CPNE5: variants seen among roughly 807,000 people sequenced by gnomAD.
The protein encoded by CPNE5 is copine-5.
Under a neutral mutation model 81.1 loss-of-function variants are expected in CPNE5, and 42 were observed. The observed-to-expected ratio is 0.52, with a 90% confidence interval of 0.40 to 0.67. CPNE5 has a LOEUF of 0.67. Among genes scored for constraint, CPNE5 ranks in the 30% least tolerant of loss-of-function variants. The pLI is 0.00. For synonymous variants in CPNE5, 313 were observed against 321.5 expected, an observed-to-expected ratio of 0.97 and a Z score of 0.28; for missense variants, 612 against 815.5, an observed-to-expected ratio of 0.75 and a Z score of 3.04.
intron 3 of CPNE5, among the ~76,000 whole-genome samples, chr6:36,802,217 CAAAAAAAAAAA>C (rs57677612): frequency 3.2e-4 from 18 of 56,738 alleles, no homozygotes; most frequent in African/African-American, 1.1e-3. Flanking sequence ...GACTCCATCT[CAAAAAAAAAAA>C]AAAAAAAAAA....
At chr6:36,825,638 T>C (rs1175693710) in intron 1 of CPNE5, among the ~76,000 whole-genome samples, 1 of 152,126 alleles carries the variant, frequency 6.6e-6, no homozygotes, top group Non-Finnish European at 1.5e-5. Flanking sequence ...CTCTGAGAAG[T>C]AGGCAGCAGG....
intron 3 of CPNE5, among the ~76,000 whole-genome samples, chr6:36,819,927 T>C (rs1333976958): frequency 6.6e-6 from 1 of 152,184 alleles, no homozygotes; most frequent in Admixed American, 6.5e-5. Flanking sequence ...TCTGATCACC[T>C]GGAGCAAGCG....
At chr6:36,822,091 G>T in intron 3 of CPNE5, 23 bp downstream of exon 3, 2 of 1,522,200 alleles carry the variant, frequency 1.3e-6, no homozygotes, top group Non-Finnish European at 1.8e-6. Flanking sequence ...GGTGTTTCTG[G>T]TGTGGGAAGG....
At chr6:36,795,409 C>T (rs1358099987) in intron 6 of CPNE5, among the ~76,000 whole-genome samples, 1 of 152,132 alleles carries the variant, frequency 6.6e-6, no homozygotes, top group Non-Finnish European at 1.5e-5. Context: ...GAACTCCTGA[C>T]CTCAGGTGAT....
chr6:36,771,989 G>A (rs902329381), intron 10 of CPNE5, among the ~76,000 whole-genome samples: 1 of 152,098 alleles, frequency 6.6e-6, no homozygotes, highest in Non-Finnish European at 1.5e-5. Context: ...CTCAGAGTGG[G>A]AGGTGGGAGC....
At chr6:36,810,052 A>C (rs529846839) in intron 3 of CPNE5, among the ~76,000 whole-genome samples, 2 of 151,998 alleles carry the variant, frequency 1.3e-5, no homozygotes, top group Non-Finnish European at 2.9e-5. Flanking sequence ...GAGGCAACCC[A>C]TGGTGGGCGA....
intron 8 of CPNE5, among the ~76,000 whole-genome samples, chr6:36,789,499 C>A (rs1485871579): frequency 6.6e-6 from 1 of 152,208 alleles, no homozygotes; most frequent in Non-Finnish European, 1.5e-5. Context: ...TGGGGAAACA[C>A]TGAATTTAGG....
intron 3 of CPNE5, among the ~76,000 whole-genome samples, chr6:36,816,496 G>GA (rs1771552523): frequency 6.6e-6 from 1 of 152,174 alleles, no homozygotes; most frequent in African/African-American, 2.4e-5. Context: ...CACGTACAGA[G>GA]AAAGTGCTGT....
intron 3 of CPNE5, among the ~76,000 whole-genome samples, chr6:36,809,503 G>A (rs1300702130): frequency 1.3e-5 from 2 of 152,104 alleles, no homozygotes; most frequent in African/African-American, 2.4e-5. Context: ...TTGAGCCCAG[G>A]AGATTGAGGC....
intron 8 of CPNE5, among the ~76,000 whole-genome samples, chr6:36,779,767 A>C (rs1023187383): frequency 6.6e-6 from 1 of 152,090 alleles, no homozygotes; most frequent in East Asian, 1.9e-4. Flanking sequence ...TCAGCCCCTC[A>C]GCTCTCTGGG....
intron 8 of CPNE5, among the ~76,000 whole-genome samples, chr6:36,789,716 C>T (rs888526257): frequency 2.6e-4 from 39 of 152,168 alleles, no homozygotes; most frequent in African/African-American, 8.4e-4. Context: ...TCAGCAGACA[C>T]GTGTGTTTTG....
At chr6:36,788,539 T>A (rs898730754) in intron 8 of CPNE5, among the ~76,000 whole-genome samples, 2 of 152,016 alleles carry the variant, frequency 1.3e-5, no homozygotes, top group Admixed American at 6.6e-5. Context: ...AAAACAGGGT[T>A]ACTCACACCC....
At position 36,776,650 on chromosome 6, in the gene CPNE5, CT is replaced by C. The variant is rs1436350025; in HGVS notation, c.633-1586del. ...CCACCCCCCAACCGTCACACAGACC[CT>C]TGTGGACCCTCTGCAGCCTCCCATC... On this transcript the variant is annotated intron_variant, in intron 9 of 20. Coordinates refer to ENST00000244751, the MANE Select transcript of CPNE5 (RefSeq NM_020939.2). Among the ~76,000 whole-genome samples the C allele has an allele frequency of 9.8e-5, 15 of 152,308 alleles. 1 individual carries two copies. The highest frequency in any genetic ancestry group is 8.5e-4 in the Admixed American group (13 of 15,296).
At chr6:36,778,414 G>A (rs1767737956) in intron 9 of CPNE5, among the ~76,000 whole-genome samples, 1 of 152,240 alleles carries the variant, frequency 6.6e-6, no homozygotes, top group African/African-American at 2.4e-5. Flanking sequence ...TGTGTGGGCA[G>A]TAGCGGGGGG....
intron 9 of CPNE5, 122 bp from the exon 10 acceptor site, chr6:36,775,187 A>G: frequency 1.4e-6 from 1 of 717,448 alleles, no homozygotes; most frequent in East Asian, 2.7e-5. Flanking sequence ...TGATGGCTTC[A>G]AAAGGTGATG....
At chr6:36,792,487 C>T (rs1769188284) in intron 7 of CPNE5, 1 of 955,620 alleles carries the variant, frequency 1.0e-6, no homozygotes, top group African/African-American at 1.7e-5. Flanking sequence ...CCCCACCTCA[C>T]ACCCAGCTGA....
At chr6:36,827,428 G>A (rs1583035338) in intron 1 of CPNE5, 6 of 985,296 alleles carry the variant, frequency 6.1e-6, no homozygotes, top group African/African-American at 3.5e-5. Flanking sequence ...CTTGGGCTCT[G>A]TTCCAAGTCT....
chr6:36,803,396 TA>T (rs1358419688), intron 3 of CPNE5, among the ~76,000 whole-genome samples: 1 of 152,230 alleles, frequency 6.6e-6, no homozygotes, highest in Non-Finnish European at 1.5e-5. Flanking sequence ...TGCGGCCTGA[TA>T]ATGATCTACT....
Position 36,823,078 on chromosome 6 carries a change from ATG to A in CPNE5, c.114_115del (p.Met39ValfsTer36). 1 of 1,576,118 alleles carries A rather than the reference ATG, an allele frequency of 6.3e-7. No individual in the cohort carries two copies. Among genetic ancestry groups the A allele is most frequent in the Non-Finnish European group, 8.6e-7 (1 of 1,159,864 alleles). ...CTTACGTGGGTCGGACTTGGAAAAC[ATG>A]TCTTTGTCCAGGAGGTTCCTGAAAG... On this transcript the variant is annotated frameshift_variant, in exon 2 of 21. Coordinates refer to ENST00000244751, the MANE Select transcript of CPNE5 (RefSeq NM_020939.2). LOFTEE classifies it high-confidence loss of function.
Sources: allele counts gnomAD v4.1 joint callset (sites outside exome capture counted in the v4.1 genomes callset), GRCh38; gene constraint gnomAD v4.1.1; transcripts MANE v1.5; gene names NCBI Gene and HGNC (gene_info 2026-07-23, HGNC 2026-07-21).